Variants in MKRN2OS observed in about 807,000 individuals in gnomAD.
MKRN2OS encodes MKRN2 opposite strand protein.
In MKRN2OS, 17 loss-of-function variants were observed where a neutral mutation model predicts 18.2. That is an observed-to-expected ratio of 0.93 (90% CI 0.64 to 1.40). The LOEUF is 1.40. Among genes scored for constraint, MKRN2OS ranks in the 40% most tolerant of loss-of-function variants. The probability of loss-of-function intolerance (pLI) is 0.00; values close to 1 mark genes in which losing one functional copy is unlikely to be tolerated. For missense variants in MKRN2OS, 337 were observed against 283.0 expected, an observed-to-expected ratio of 1.19 and a Z score of -1.37; for synonymous variants, 121 against 108.5, an observed-to-expected ratio of 1.12 and a Z score of -0.72.
intron 3 of MKRN2OS, among the ~76,000 whole-genome samples, chr3:12,540,987 C>T (rs1395682166): frequency 1.3e-5 from 2 of 150,932 alleles, no homozygotes; most frequent in Non-Finnish European, 2.9e-5. Context: ...AGTGGTTACT[C>T]AGTTGCAAGT....
intron 1 of MKRN2OS, among the ~76,000 whole-genome samples, chr3:12,555,080 C>T (rs574659114): frequency 5.3e-5 from 8 of 152,242 alleles, no homozygotes; most frequent in Non-Finnish European, 7.4e-5. Flanking sequence ...GAGGCCGAGG[C>T]GGGTGGATTG....
At chr3:12,543,033 G>A in intron 2 of MKRN2OS, 147 bp downstream of exon 2, 2 of 547,234 alleles carry the variant, frequency 3.7e-6, no homozygotes, top group Non-Finnish European at 6.2e-6. Context: ...TTTCTCATTT[G>A]TGGGCAATGC....
At chr3:12,540,672 G>A (rs1362234773) in intron 3 of MKRN2OS, among the ~76,000 whole-genome samples, 4 of 152,022 alleles carry the variant, frequency 2.6e-5, no homozygotes, top group Non-Finnish European at 5.9e-5. Flanking sequence ...TCAAGAGTTC[G>A]AAACTGGCCT....
chr3:12,543,089 T>G (rs1186584175), intron 2 of MKRN2OS, 91 bp downstream of exon 2: 1 of 1,026,964 alleles, frequency 9.7e-7, no homozygotes, highest in East Asian at 2.6e-5. Context: ...ATGGAATCAC[T>G]TATTAGATGT....
chr3:12,558,922 G>C (rs2058009844), intron 1 of MKRN2OS, among the ~76,000 whole-genome samples: 1 of 152,224 alleles, frequency 6.6e-6, no homozygotes, highest in Non-Finnish European at 1.5e-5. Flanking sequence ...TCGTAAAACT[G>C]AGCCTCAGCA....
At chr3:12,541,831 G>T in intron 3 of MKRN2OS, 29 bp downstream of exon 3, 1 of 1,528,980 alleles carries the variant, frequency 6.5e-7, no homozygotes, top group Non-Finnish European at 8.7e-7. Flanking sequence ...GTGAGTGTCA[G>T]CGAGGGGGCA....
chr3:12,540,228 G>T lies in MKRN2OS; in HGVS notation c.637C>A (p.Gln213Lys). 1.3e-6 allele frequency: 2 copies of T among 1,536,174 alleles called. No individual in the cohort carries two copies. The highest frequency in any genetic ancestry group is 1.7e-6 in the Non-Finnish European group (2 of 1,146,920). ...CCGCCGCCCTCAGGGGGTTGTGCCT[G>T]CTGCTGGGGACAGTCAGTGACGTAG... The part of the protein sequence containing the change: ...GFYVTDCPQQ[Q>K]AQPPEGGGLC Residue 213 changes from glutamine (Q) to lysine (K), a missense_variant, in exon 4 of 4, where the codon CAG becomes AAG. Coordinates refer to ENST00000564146, the MANE Select transcript of MKRN2OS (RefSeq NM_001195279.2).
chr3:12,554,619 GA>G, intron 1 of MKRN2OS, among the ~76,000 whole-genome samples: 1 of 152,142 alleles, frequency 6.6e-6, no homozygotes, highest in South Asian at 2.1e-4. Context: ...GTACAAGGCT[GA>G]TGAAATAACT....
chr3:12,558,225 T>C (rs532931623), intron 1 of MKRN2OS, among the ~76,000 whole-genome samples: 1 of 152,368 alleles, frequency 6.6e-6, no homozygotes, highest in East Asian at 1.9e-4. Flanking sequence ...GTACATTTAC[T>C]GTTCAATTTA....
At chr3:12,551,488 C>T (rs1448751054), downstream of MKRN2OS, among the ~76,000 whole-genome samples, 5 of 147,916 alleles carry the variant, frequency 3.4e-5, no homozygotes, top group Non-Finnish European at 7.4e-5. Context: ...GAGCAAGACT[C>T]CATCTCAAAA....
intron 1 of MKRN2OS, among the ~76,000 whole-genome samples, chr3:12,558,192 G>C (rs2057999901): frequency 6.6e-6 from 1 of 152,184 alleles, no homozygotes; most frequent in Non-Finnish European, 1.5e-5. Context: ...TGACTGTGTA[G>C]TAAGTTTTCT....
upstream of MKRN2OS, among the ~76,000 whole-genome samples, chr3:12,550,266 A>G (rs2057919608): frequency 6.6e-6 from 1 of 152,228 alleles, no homozygotes; most frequent in Non-Finnish European, 1.5e-5. Context: ...AAAAAGAAGC[A>G]AGATACCAAG....
chr3:12,545,561 A>G, upstream of MKRN2OS: 3 of 923,914 alleles, frequency 3.2e-6, no homozygotes, highest in South Asian at 3.6e-5. Flanking sequence ...GAACCTGATC[A>G]ATGGTGATGT....
At chr3:12,554,392 G>C (rs1401234418) in intron 1 of MKRN2OS, among the ~76,000 whole-genome samples, 1 of 152,098 alleles carries the variant, frequency 6.6e-6, no homozygotes, top group Non-Finnish European at 1.5e-5. Context: ...ACAGTGGCAG[G>C]AACCAAGCTG....
At chr3:12,558,747 G>C (rs1216416704) in intron 1 of MKRN2OS, among the ~76,000 whole-genome samples, 1 of 152,156 alleles carries the variant, frequency 6.6e-6, no homozygotes, top group East Asian at 1.9e-4. Context: ...TCCCAAACAG[G>C]GGTGTTCTGT....
At chr3:12,550,163 C>A (rs867669164), upstream of MKRN2OS, among the ~76,000 whole-genome samples, 32 of 152,314 alleles carry the variant, frequency 2.1e-4, no homozygotes, top group African/African-American at 7.5e-4. Context: ...CAGCTTCATT[C>A]ATAATTGCTA....
At chr3:12,548,473 AAAAAAAAAAC>A (rs1293442738), upstream of MKRN2OS, among the ~76,000 whole-genome samples, 541 of 32,524 alleles carry the variant, frequency 0.017, 11 homozygotes, top group Admixed American at 0.052. Context: ...AAAAAAAAAA[AAAAAAAAAAC>A]CAGCCGAGCG....
At chr3:12,554,507 AATAT>A (rs1373149360) in intron 1 of MKRN2OS, among the ~76,000 whole-genome samples, 2 of 149,802 alleles carry the variant, frequency 1.3e-5, no homozygotes, top group African/African-American at 2.4e-5. Flanking sequence ...GAAATATAAA[AATAT>A]ATATATATAT....
At chr3:12,544,260 AT>A (rs2057855268) in intron 1 of MKRN2OS, among the ~76,000 whole-genome samples, 1 of 152,194 alleles carries the variant, frequency 6.6e-6, no homozygotes, top group African/African-American at 2.4e-5. Flanking sequence ...TAGACTAATG[AT>A]ACGCAGGAGC....
Sources: gnomAD v4.1 joint callset for allele counts (sites outside exome capture counted in the v4.1 genomes callset) on GRCh38, gnomAD v4.1.1 for gene constraint, MANE v1.5 for transcripts, NCBI Gene and HGNC (gene_info 2026-07-23, HGNC 2026-07-21) for gene names.